Variants in IRAK1BP1 observed in about 807,000 individuals in gnomAD.
IRAK1BP1 encodes the protein interleukin-1 receptor-associated kinase 1-binding protein 1.
Under a neutral mutation model 28.0 loss-of-function variants are expected in IRAK1BP1, and 24 were observed. That is an observed-to-expected ratio of 0.86 (90% confidence interval 0.62 to 1.20). IRAK1BP1 has a LOEUF of 1.20. IRAK1BP1 is among the 50% of genes most tolerant of loss of function. IRAK1BP1 has a pLI of 0.00. For synonymous variants in IRAK1BP1, 131 were observed against 116.3 expected, an observed-to-expected ratio of 1.13 and a Z score of -0.81; for missense variants, 336 against 316.7, an observed-to-expected ratio of 1.06 and a Z score of -0.46.
the IRAK1BP1 span, among the ~76,000 whole-genome samples, chr6:78,975,473 A>G: frequency 2.0e-5 from 3 of 152,226 alleles, no homozygotes; most frequent in Non-Finnish European, 4.4e-5. Flanking sequence ...CAAGACAGGG[A>G]TGCTCTCTCT....
chr6:78,974,119 C>T, the IRAK1BP1 span, among the ~76,000 whole-genome samples: 1 of 151,886 alleles, frequency 6.6e-6, no homozygotes, highest in African/African-American at 2.4e-5. Flanking sequence ...TGACCACATA[C>T]TTGGAAGTAA....
chr6:78,971,184 T>C, the IRAK1BP1 span, among the ~76,000 whole-genome samples: 1 of 152,396 alleles, frequency 6.6e-6, no homozygotes, highest in African/African-American at 2.4e-5. Flanking sequence ...CATAATAACG[T>C]TGACTAATAA....
rs563788153 is a variant in IRAK1BP1, at chr6:78,924,291, C to T, written c.*68-21117C>T. ...CCATGAGAGAATACTATAAACACCT[C>T]TACGCAAATAAACTAGAAAATCTAG... On this transcript the variant is annotated intron_variant and NMD_transcript_variant, in intron 4 of 4. Coordinates refer to the IRAK1BP1 transcript ENST00000606868. 3.0e-4 allele frequency among the ~76,000 whole-genome samples: 45 copies of T among 152,292 alleles called. No homozygotes were observed. The South Asian group carries it at 9.1e-3, about 31-fold the overall frequency.
intron 2 of IRAK1BP1, among the ~76,000 whole-genome samples, chr6:78,893,276 ATATATGTGTG>A (rs1562085660): frequency 9.2e-6 from 1 of 108,170 alleles, no homozygotes; most frequent in Admixed American, 1.0e-4. Context: ...AAAGGTGTAT[ATATATGTGTG>A]TATATATGTG....
chr6:78,951,033 A>G (rs1346631299), downstream of IRAK1BP1, among the ~76,000 whole-genome samples: 1 of 152,130 alleles, frequency 6.6e-6, no homozygotes, highest in Non-Finnish European at 1.5e-5. Flanking sequence ...AAATTTTGAT[A>G]TACTGAATTT....
At position 78,901,117 on chromosome 6, in the gene IRAK1BP1, C is replaced by A. The variant is rs1772078694; in HGVS notation, c.*2783C>A. 6.7e-6 allele frequency: 1 copy of A among 149,952 alleles called. No homozygotes were observed. 9.3% of individuals were successfully genotyped at this position (149,952 alleles called of 1,614,324 possible). ...GTTTTTTTTTTTTTAGCTATGGGTT[C>A]ATGCTGTATTTGGTTGCATCATATT... On this transcript the variant is annotated 3_prime_UTR_variant, in exon 4 of 4. Coordinates refer to ENST00000369940, the MANE Select transcript of IRAK1BP1 (RefSeq NM_001010844.4).
intron 1 of IRAK1BP1, chr6:78,872,067 G>A (rs1770813189): frequency 2.9e-6 from 2 of 697,114 alleles, no homozygotes; most frequent in Non-Finnish European, 5.2e-6. Flanking sequence ...TGTAGAACTA[G>A]AATGACTGAG....
At chr6:78,906,648 T>G (rs183671787), downstream of IRAK1BP1, among the ~76,000 whole-genome samples, 32 of 152,204 alleles carry the variant, frequency 2.1e-4, no homozygotes, top group African/African-American at 7.2e-4. Context: ...AGAAAATGAT[T>G]AGGGAGGATG....
At position 78,898,696 on chromosome 6, in the gene IRAK1BP1, C is replaced by T. The variant is rs1441120050; in HGVS notation, c.*362C>T. On this transcript the variant is annotated 3_prime_UTR_variant, in exon 4 of 4. Transcript: ENST00000369940. ...ATATTTAAGCTAAAATTTTCTCAGC[C>T]ACATTTTTATATAAAACCAAATTTT... 6.6e-6 allele frequency: 1 copy of T among 151,662 alleles called. No individual in the cohort carries two copies. The highest frequency in any genetic ancestry group is 2.4e-5 in the African/African-American group (1 of 41,318). The allele number at this position is 151,662 out of a possible 1,614,324, so 9.4% of individuals were successfully genotyped here. A position where few individuals can be genotyped will look rare whatever the true frequency, so the allele number is the denominator to read the frequency against.
chr6:78,912,974 T>C (rs1238802806), intron 4 of IRAK1BP1, among the ~76,000 whole-genome samples: 1 of 152,162 alleles, frequency 6.6e-6, no homozygotes, highest in African/African-American at 2.4e-5. Context: ...TAAGCATATA[T>C]ATGTGGGTGT....
intron 4 of IRAK1BP1, among the ~76,000 whole-genome samples, chr6:78,929,489 G>C (rs1250697090): frequency 2.0e-5 from 3 of 151,946 alleles, no homozygotes; most frequent in Non-Finnish European, 4.4e-5. Context: ...GCTAAACATT[G>C]GTTACTCATG....
At chr6:78,909,195 A>G (rs1772340430) in intron 4 of IRAK1BP1, among the ~76,000 whole-genome samples, 1 of 152,262 alleles carries the variant, frequency 6.6e-6, no homozygotes, top group Non-Finnish European at 1.5e-5. Flanking sequence ...TGCAAAAGCC[A>G]TACACATTCA....
chr6:78,904,776 A>G (rs145766638), downstream of IRAK1BP1, among the ~76,000 whole-genome samples: 8 of 152,342 alleles, frequency 5.3e-5, no homozygotes, highest in South Asian at 6.2e-4. Context: ...ATTACATTCT[A>G]TAGGGAATAG....
At chr6:78,889,929 C>A (rs1771574800) in intron 2 of IRAK1BP1, among the ~76,000 whole-genome samples, 1 of 152,060 alleles carries the variant, frequency 6.6e-6, no homozygotes, top group Non-Finnish European at 1.5e-5. Flanking sequence ...GATATATACC[C>A]AAAGGATTAT....
At chr6:78,965,496 A>G in the IRAK1BP1 span, among the ~76,000 whole-genome samples, 48 of 152,202 alleles carry the variant, frequency 3.2e-4, no homozygotes, top group African/African-American at 2.4e-5. Flanking sequence ...ATTAATTTCA[A>G]TCAATTCCAA....
At chr6:78,913,732 A>G (rs1056958812) in intron 4 of IRAK1BP1, among the ~76,000 whole-genome samples, 1 of 152,238 alleles carries the variant, frequency 6.6e-6, no homozygotes. Flanking sequence ...ATTAATGGCT[A>G]TTTACAGTGA....
At chr6:78,919,053 C>G (rs1235020860) in intron 4 of IRAK1BP1, among the ~76,000 whole-genome samples, 1 of 152,156 alleles carries the variant, frequency 6.6e-6, no homozygotes, top group Non-Finnish European at 1.5e-5. Context: ...GAAGATCTCT[C>G]AAAACCACAC....
chr6:78,886,400 A>G (rs1771434271), intron 2 of IRAK1BP1, among the ~76,000 whole-genome samples: 1 of 152,210 alleles, frequency 6.6e-6, no homozygotes, highest in African/African-American at 2.4e-5. Context: ...AAATTTTACT[A>G]TGTCAAGGAA....
the IRAK1BP1 span, chr6:78,956,819 T>C: frequency 6.6e-5 from 10 of 152,116 alleles, no homozygotes; most frequent in Admixed American, 6.5e-4. Flanking sequence ...CCTATTCTTA[T>C]CTAAACTTTT....
Sources: allele counts gnomAD v4.1 joint callset (sites outside exome capture counted in the v4.1 genomes callset), GRCh38; gene constraint gnomAD v4.1.1; transcripts MANE v1.5; gene names NCBI Gene and HGNC (gene_info 2026-07-23, HGNC 2026-07-21).